Variants in SOHLH2 observed in about 807,000 individuals in gnomAD.
SOHLH2 encodes spermatogenesis- and oogenesis-specific basic helix-loop-helix-containing protein 2.
A neutral mutation model predicts 50.4 loss-of-function variants in SOHLH2; 22 were observed. The ratio of observed to expected loss-of-function variants is 0.44; its 90% CI spans 0.31 to 0.62. The LOEUF is 0.62. SOHLH2 is among the 20% of genes least tolerant of loss of function. The pLI is 0.08. For synonymous variants in SOHLH2, 185 were observed against 187.3 expected (o/e 0.99, Z 0.10); for missense variants, 412 against 504.4 (o/e 0.82, Z 1.76).
At chr13:36,169,477 T>A (rs1207373286) in intron 10 of SOHLH2, among the ~76,000 whole-genome samples, 1 of 152,214 alleles carries the variant, frequency 6.6e-6, no homozygotes, top group South Asian at 2.1e-4. Flanking sequence ...ATAGATGTCA[T>A]ATGAAGATTG....
At position 36,170,662 on chromosome 13, in the gene SOHLH2, C is replaced by T. The variant is rs781673751; in HGVS notation, c.1126G>A (p.Asp376Asn). ...RYYSKVTPSY[D>N]ATAVTNQNIS... is the part of the protein sequence containing the mutation. ...TTCTGATTTGTTACAGCAGTTGCAT[C>T]GTAGGAAGGGGTGACTTTAGAATAA... The change falls in exon 10 of 11, where the codon GAT becomes AAT. Residue 376 changes from aspartate to asparagine, a missense_variant. By Grantham distance (23) the Asp-to-Asn change is conservative (BLOSUM62 1). Transcript: ENST00000379881. 8.7e-6 allele frequency: 14 copies of T among 1,614,080 alleles called. No individual in the cohort carries two copies. Among genetic ancestry groups the T allele is most frequent in the Admixed American group, 8.3e-5 (5 of 60,018 alleles).
intron 6 of SOHLH2, among the ~76,000 whole-genome samples, chr13:36,179,977 T>C (rs573502091): frequency 5.9e-5 from 9 of 152,332 alleles, no homozygotes; most frequent in African/African-American, 2.2e-4. Flanking sequence ...TTAAGATTAG[T>C]ATTACTTCTT....
chr13:36,213,993 G>A (rs1490829205), intron 1 of SOHLH2, among the ~76,000 whole-genome samples: 1 of 151,204 alleles, frequency 6.6e-6, no homozygotes, highest in Admixed American at 6.6e-5. Context: ...AACTTCACAA[G>A]TGGCCTTCTG....
intron 2 of SOHLH2, among the ~76,000 whole-genome samples, chr13:36,194,145 T>C (rs1380126627): frequency 2.0e-5 from 3 of 151,482 alleles, no homozygotes; most frequent in African/African-American, 7.3e-5. Context: ...GAAAGAAACA[T>C]TTTAAAGAAC....
chr13:36,209,711 C>A (rs758635547), intron 1 of SOHLH2, among the ~76,000 whole-genome samples: 4 of 152,182 alleles, frequency 2.6e-5, no homozygotes, highest in Non-Finnish European at 5.9e-5. Flanking sequence ...GACTACAGCA[C>A]CTTAAAAATC....
At chr13:36,170,428 T>G in intron 10 of SOHLH2, 103 bp downstream of exon 10, 1 of 1,470,284 alleles carries the variant, frequency 6.8e-7, no homozygotes, top group Non-Finnish European at 9.0e-7. Flanking sequence ...AGCTCTTAGG[T>G]CCCAGCCTTC....
intron 2 of SOHLH2, among the ~76,000 whole-genome samples, chr13:36,198,448 G>A (rs1347542400): frequency 1.3e-5 from 2 of 152,108 alleles, no homozygotes; most frequent in Non-Finnish European, 2.9e-5. Flanking sequence ...CTAAGCATAC[G>A]AATCCTAAGA....
intron 6 of SOHLH2, among the ~76,000 whole-genome samples, chr13:36,186,937 A>G (rs1344314054): frequency 2.0e-5 from 3 of 152,156 alleles, no homozygotes; most frequent in African/African-American, 7.2e-5. Flanking sequence ...GAGGAGGAGG[A>G]AGAAAGGAAA....
chr13:36,193,958 G>T, intron 2 of SOHLH2, 91 bp from the exon 3 acceptor site: 1 of 1,176,298 alleles, frequency 8.5e-7, no homozygotes, highest in Non-Finnish European at 1.2e-6. Context: ...ACTAACTACA[G>T]TGATTTTCTT....
chr13:36,170,906 C>G, intron 9 of SOHLH2, 119 bp from the exon 10 acceptor site: 2 of 1,442,674 alleles, frequency 1.4e-6, no homozygotes, highest in Non-Finnish European at 1.8e-6. Flanking sequence ...TCTGTACTAC[C>G]TGCTACACCC....
chr13:36,200,411 A>G (rs1645677234), intron 2 of SOHLH2, among the ~76,000 whole-genome samples: 1 of 152,130 alleles, frequency 6.6e-6, no homozygotes, highest in African/African-American at 2.4e-5. Flanking sequence ...AAACCCCAAG[A>G]GTAGTATCTG....
intron 1 of SOHLH2, among the ~76,000 whole-genome samples, chr13:36,207,307 G>A (rs969866483): frequency 6.6e-6 from 1 of 151,408 alleles, no homozygotes; most frequent in East Asian, 1.9e-4. Flanking sequence ...CCTATTTACT[G>A]TAATTTTTTT....
At chr13:36,191,740 C>G in intron 5 of SOHLH2, 55 bp downstream of exon 5, 1 of 1,605,416 alleles carries the variant, frequency 6.2e-7, no homozygotes, top group South Asian at 1.1e-5. Context: ...AAAATAGCCA[C>G]AATCAATAAG....
rs1886936096 is a variant in SOHLH2, at chr13:36,170,598, G to C, written c.1190C>G (p.Ser397Ter). The C allele has an allele frequency of 6.2e-7, 1 of 1,614,200 alleles. No individual in the cohort carries two copies. The stretch of plus-strand genomic sequence containing the variant: ...AGTGCAGTGCCGAGGGAGAAGCTTT[G>C]AGACCGGGGGCATGGCTGAAGGTAA... ...IHLPSAMPPV[S>*]KLLPRHCTSG... is the part of the protein sequence containing the mutation. Residue 397 changes from serine (S) to a stop codon, truncating the protein, a stop_gained, in exon 10 of 11, where the codon TCA (serine) becomes TGA (stop). Coordinates refer to ENST00000379881, the MANE Select transcript of SOHLH2 (RefSeq NM_017826.3). LOFTEE classifies it high-confidence loss of function.
In SOHLH2 at chr13:36,202,013, T is replaced by A. The variant is rs1255417249; in HGVS notation, c.129A>T (p.Ile43=). 6.2e-7 allele frequency: 1 copy of A among 1,614,088 alleles called. No homozygotes were observed. Among genetic ancestry groups the A allele is most frequent in the Non-Finnish European group, 8.5e-7 (1 of 1,180,044 alleles). The change falls in exon 2 of 11, where the codon ATA becomes ATT. Residue 43 remains isoleucine, a synonymous_variant. Coordinates refer to ENST00000379881, the MANE Select transcript of SOHLH2 (RefSeq NM_017826.3). Reference sequence around the variant, plus strand: ...CACTGATGGTGATGGTGACTTCTGCTATGTTTGCAAATAGTTTCTGTACAG... The same window carrying A: ...CACTGATGGTGATGGTGACTTCTGCAATGTTTGCAAATAGTTTCTGTACAG... ...ADTVQKLFAN[I]AEVTITISDT... is the part of the protein sequence containing the mutation.
chr13:36,177,852 A>G (rs1374598306), intron 6 of SOHLH2, among the ~76,000 whole-genome samples: 1 of 151,972 alleles, frequency 6.6e-6, no homozygotes, highest in Non-Finnish European at 1.5e-5. Context: ...ATTTTCTCCC[A>G]ATCTGCGGCT....
chr13:36,201,030 C>T (rs1436410118), intron 2 of SOHLH2, among the ~76,000 whole-genome samples: 3 of 112,060 alleles, frequency 2.7e-5, no homozygotes, highest in African/African-American at 3.6e-5. Flanking sequence ...GCCTGGGCAA[C>T]AGAACGAGAC....
At chr13:36,179,579 T>A (rs987572286) in intron 6 of SOHLH2, among the ~76,000 whole-genome samples, 16 of 151,980 alleles carry the variant, frequency 1.1e-4, no homozygotes, top group Non-Finnish European at 2.2e-4. Context: ...TGGCTAATTT[T>A]TTTATTTTTT....
Position 36,193,522 on chromosome 13 carries a change from C to A in SOHLH2, c.430+99G>T, listed in dbSNP as rs562615572. 3.6e-5 allele frequency: 46 copies of A among 1,286,568 alleles called. No individual in the cohort carries two copies. In the East Asian group the frequency reaches 1.1e-3, roughly 30 times the overall value. The allele number at this position is 1,286,568 out of a possible 1,614,324, so 79.7% of individuals were successfully genotyped here. ...TTCCAGGTAAAGAATACATATTTCT[C>A]CCTTTATTTTATTTATGCTTGTTTT... On this transcript the variant is annotated intron_variant, in intron 4 of 10. Coordinates refer to ENST00000379881, the MANE Select transcript of SOHLH2 (RefSeq NM_017826.3).
Sources: gnomAD v4.1 joint callset for allele counts (sites outside exome capture counted in the v4.1 genomes callset) on GRCh38, gnomAD v4.1.1 for gene constraint, MANE v1.5 for transcripts, NCBI Gene and HGNC (gene_info 2026-07-23, HGNC 2026-07-21) for gene names.